Variants in SUSD1 observed in about 807,000 individuals in gnomAD.
SUSD1 encodes the protein sushi domain-containing protein 1.
In SUSD1, 65 loss-of-function variants were observed where a neutral mutation model predicts 86.9. The ratio of observed to expected loss-of-function variants is 0.75; its 90% CI spans 0.61 to 0.92. SUSD1 has a LOEUF of 0.92. Among genes scored for constraint, SUSD1 ranks in the 40% least tolerant of loss-of-function variants. SUSD1 has a pLI of 0.00. For synonymous variants in SUSD1, 346 were observed against 350.0 expected, an observed-to-expected ratio of 0.99 and a Z score of 0.13; for missense variants, 850 against 929.7, an observed-to-expected ratio of 0.91 and a Z score of 1.11.
intron 10 of SUSD1, among the ~76,000 whole-genome samples, chr9:112,092,726 A>T (rs979323666): frequency 2.0e-5 from 3 of 152,206 alleles, no homozygotes; most frequent in African/African-American, 7.2e-5. Flanking sequence ...CTTTTGTTTT[A>T]AAAAATTCTA....
rs1827722717 is a variant in SUSD1 at position 112,041,267 on chromosome 9, TA to T, written c.*224del. On this transcript the variant is annotated 3_prime_UTR_variant, in exon 17 of 17. Coordinates refer to ENST00000374270, the MANE Select transcript of SUSD1 (RefSeq NM_022486.5). ...AGTTCATTGCACAGAACTGGTCCTGTAGCAGGGAAGACTCAGAATTCCTGAG... is the reference window on the plus strand; with the variant it reads ...AGTTCATTGCACAGAACTGGTCCTGTGCAGGGAAGACTCAGAATTCCTGAG... 2 of 616,728 alleles carry T rather than the reference TA, an allele frequency of 3.2e-6. No homozygotes were observed. The highest frequency in any genetic ancestry group is 5.5e-5 in the East Asian group (2 of 36,676). The allele number at this position is 616,728 out of a possible 1,614,324, so 38.2% of individuals were successfully genotyped here.
At chr9:112,091,642 C>T (rs965469948) in intron 10 of SUSD1, among the ~76,000 whole-genome samples, 2 of 152,126 alleles carry the variant, frequency 1.3e-5, no homozygotes, top group Non-Finnish European at 2.9e-5. Context: ...GCTTTGCAAG[C>T]TAAATATTGT....
chr9:112,084,667 C>A (rs1829902995), intron 10 of SUSD1, among the ~76,000 whole-genome samples: 1 of 152,138 alleles, frequency 6.6e-6, no homozygotes, highest in African/African-American at 2.4e-5. Context: ...AGAAAAGGAT[C>A]CCCAGTAGAG....
chr9:112,063,349 G>A (rs913798293), intron 12 of SUSD1, among the ~76,000 whole-genome samples: 4 of 152,122 alleles, frequency 2.6e-5, no homozygotes, highest in African/African-American at 9.7e-5. Flanking sequence ...TTCTCCTTGG[G>A]GTGATGAAAA....
intron 10 of SUSD1, among the ~76,000 whole-genome samples, chr9:112,097,771 G>A (rs891762570): frequency 6.6e-6 from 1 of 152,164 alleles, no homozygotes; most frequent in East Asian, 1.9e-4. Context: ...ATCACAGAGC[G>A]GCTTCAGGGA....
intron 12 of SUSD1, among the ~76,000 whole-genome samples, chr9:112,070,674 C>A (rs1172520127): frequency 1.3e-5 from 2 of 152,036 alleles, no homozygotes; most frequent in Non-Finnish European, 2.9e-5. Context: ...AAGAAATCCT[C>A]ACATGGAGGG....
chr9:112,042,542 A>G, intron 15 of SUSD1, among the ~76,000 whole-genome samples: 1 of 152,124 alleles, frequency 6.6e-6, no homozygotes, highest in Non-Finnish European at 1.5e-5. Context: ...TCACATGCCA[A>G]CTCCAGGGAG....
chr9:112,080,519 C>T (rs146853545), intron 10 of SUSD1, among the ~76,000 whole-genome samples: 1 of 152,154 alleles, frequency 6.6e-6, no homozygotes, highest in East Asian at 1.9e-4. Context: ...GAAACCCCAT[C>T]TCTACTAAAA....
intron 12 of SUSD1, among the ~76,000 whole-genome samples, chr9:112,063,949 A>G (rs7028718): frequency 0.1 from 15,663 of 151,688 alleles, 2,512 homozygotes; most frequent in African/African-American, 0.34. Context: ...TATTAGGAAA[A>G]GAGCTTCCAC....
intron 2 of SUSD1, among the ~76,000 whole-genome samples, chr9:112,156,446 G>C (rs892135129): frequency 3.3e-5 from 5 of 150,594 alleles, no homozygotes; most frequent in Non-Finnish European, 7.4e-5. Context: ...TGGGCGACGA[G>C]TGAGACTCCA....
chr9:112,051,002 C>G (rs1471430660), intron 15 of SUSD1, among the ~76,000 whole-genome samples: 3 of 152,160 alleles, frequency 2.0e-5, no homozygotes, highest in Non-Finnish European at 2.9e-5. Context: ...TCAGGCAGAC[C>G]CAAACTGACC....
chr9:112,123,846 T>C (rs1831653477), intron 6 of SUSD1, among the ~76,000 whole-genome samples: 1 of 152,172 alleles, frequency 6.6e-6, no homozygotes, highest in African/African-American at 2.4e-5. Flanking sequence ...TTAAATTGTA[T>C]GTTTTTTGTG....
At position 112,108,507 on chromosome 9, in the gene SUSD1, G is replaced by C. The variant is rs529030482; in HGVS notation, c.1171+3147C>G. Among the ~76,000 whole-genome samples the C allele has an allele frequency of 2.6e-5, 4 of 151,812 alleles. No homozygotes were observed. In the East Asian group the frequency reaches 7.7e-4, roughly 29 times the overall value. ...TTAACAGAAATATGGGCTGTGCACC[G>C]TGACTCACACCTATAATCCCAGTAC... On this transcript the variant is annotated intron_variant, in intron 8 of 16. Transcript: ENST00000374270.
chr9:112,112,730 C>G lies in SUSD1; in HGVS notation c.984+41G>C, dbSNP rs113324731. 303 of 1,349,670 alleles carry G rather than the reference C, an allele frequency of 2.2e-4. 3 individuals carry two copies. The African/African-American group carries it at 3.4e-3, about 15-fold the overall frequency. The allele number at this position is 1,349,670 out of a possible 1,614,324, so 83.6% of individuals were successfully genotyped here. The stretch of plus-strand genomic sequence containing the variant: ...CTCTGACTCATATTCCCATGGGTGA[C>G]GTGTCTGTCCTAGCAGGAAAAAGTA... On this transcript the variant is annotated intron_variant, in intron 7 of 16. Transcript: ENST00000374270.
At position 112,143,372 on chromosome 9, in the gene SUSD1, T is replaced by G. The variant is rs1298676318; in HGVS notation, c.526+99A>C. ...TGTACAAAATGTGCAAAGGATCAGA[T>G]CACCTCCACCTGCCTCCCCAACACA... On this transcript the variant is annotated intron_variant, in intron 4 of 16. Coordinates refer to ENST00000374270, the MANE Select transcript of SUSD1 (RefSeq NM_022486.5). 5.4e-5 allele frequency: 67 copies of G among 1,235,016 alleles called. 3 individuals carry two copies. In the Middle Eastern group the frequency reaches 8.0e-4, roughly 15 times the overall value. 76.5% of individuals were successfully genotyped at this position (1,235,016 alleles called of 1,614,324 possible).
At chr9:112,107,638 G>C (rs1830909586) in intron 8 of SUSD1, among the ~76,000 whole-genome samples, 1 of 152,086 alleles carries the variant, frequency 6.6e-6, no homozygotes, top group African/African-American at 2.4e-5. Context: ...AAAAAAAGTA[G>C]ACAAAGGCAT....
chr9:112,149,220 C>T (rs1832937853), intron 3 of SUSD1, 24 bp downstream of exon 3: 1 of 1,611,970 alleles, frequency 6.2e-7, no homozygotes, highest in Non-Finnish European at 8.5e-7. Context: ...CAATTGTCAA[C>T]ACCGCAGCCC....
intron 1 of SUSD1, among the ~76,000 whole-genome samples, chr9:112,166,286 G>C (rs1157280709): frequency 6.6e-6 from 1 of 152,224 alleles, no homozygotes; most frequent in Non-Finnish European, 1.5e-5. Flanking sequence ...CCTGGAGACG[G>C]AGTGACTAAC....
At chr9:112,054,853 G>C (rs1828378096) in intron 14 of SUSD1, among the ~76,000 whole-genome samples, 1 of 152,146 alleles carries the variant, frequency 6.6e-6, no homozygotes, top group South Asian at 2.1e-4. Flanking sequence ...AAAATTTCAA[G>C]CTTTTATGCA....
Sources: allele counts gnomAD v4.1 joint callset (sites outside exome capture counted in the v4.1 genomes callset), GRCh38; gene constraint gnomAD v4.1.1; transcripts MANE v1.5; gene names NCBI Gene and HGNC (gene_info 2026-07-23, HGNC 2026-07-21).